HCRT: variants seen among roughly 807,000 people sequenced by gnomAD.
HCRT encodes hypocretin neuropeptide precursor, also known as hypocretin (orexin) neuropeptide.
HCRT carries 5 observed loss-of-function variants against 5.7 expected under a neutral mutation model. The ratio of observed to expected loss-of-function variants is 0.87; its 90% CI spans 0.45 to 1.83. The LOEUF is 1.83. HCRT is among the 40% of genes most tolerant of loss of function. HCRT has a pLI of 0.02. For missense variants in HCRT, 207 were observed against 191.8 expected (o/e 1.08, Z -0.47); for synonymous variants, 114 against 99.0 (o/e 1.15, Z -0.90).
At position 42,184,448 on chromosome 17, in the gene HCRT, C is replaced by T. The variant is rs757990613; in HGVS notation, c.102G>A (p.Gln34=). 6.3e-7 allele frequency: 1 copy of T among 1,596,094 alleles called. No homozygotes were observed. Among genetic ancestry groups the T allele is most frequent in the South Asian group, 1.1e-5 (1 of 90,014 alleles). ...PALLSSGAAA[Q]PLPDCCRQKT... ...TTTGACGACAGCAGTCGGGCAGGGGCTGTGCAGCCGCCCCGGACGACAACA... is the reference window on the plus strand; with the variant it reads ...TTTGACGACAGCAGTCGGGCAGGGGTTGTGCAGCCGCCCCGGACGACAACA... Residue 34 remains glutamine (Q), a synonymous_variant, in exon 2 of 2, where the codon CAG becomes CAA. Coordinates refer to ENST00000293330, the MANE Select transcript of HCRT (RefSeq NM_001524.1).
At position 42,184,136 on chromosome 17, in the gene HCRT, C is replaced by T; in HGVS notation, c.*18G>A. The T allele has an allele frequency of 2.3e-6, 3 of 1,278,962 alleles. No individual in the cohort carries two copies. Among genetic ancestry groups the T allele is most frequent in the Non-Finnish European group, 3.0e-6 (3 of 1,011,234 alleles). The allele number at this position is 1,278,962 out of a possible 1,614,324, so 79.2% of individuals were successfully genotyped here. ...CAGAGGGCAGAGGCCTGGGCCAGGA[C>T]AGGGCCCGAAGAACGACTCAGATCC... On this transcript the variant is annotated 3_prime_UTR_variant, in exon 2 of 2. Coordinates refer to ENST00000293330, the MANE Select transcript of HCRT (RefSeq NM_001524.1).
In HCRT at chr17:42,184,378, T is replaced by C; in HGVS notation, c.172A>G (p.Asn58Asp). 6.3e-7 allele frequency: 1 copy of C among 1,597,822 alleles called. No individual in the cohort carries two copies. The highest frequency in any genetic ancestry group is 8.5e-7 in the Non-Finnish European group (1 of 1,176,298). ...AGCGTGAGGATGCCGGCCGCGTGATTGCCCGCGCCGTGCAGCAGCTCGTAG... is the reference window on the plus strand; with the variant it reads ...AGCGTGAGGATGCCGGCCGCGTGATCGCCCGCGCCGTGCAGCAGCTCGTAG... ...RLYELLHGAG[N>D]HAAGILTLGK... Residue 58 changes from asparagine to aspartate, a missense_variant, in exon 2 of 2, where the codon AAT becomes GAT. Transcript: ENST00000293330.
In HCRT at chr17:42,184,196, C is replaced by G; in HGVS notation, c.354G>C (p.Pro118=). Residue 118 remains proline (P), a synonymous_variant, in exon 2 of 2, where the codon CCG becomes CCC. Coordinates refer to ENST00000293330, the MANE Select transcript of HCRT (RefSeq NM_001524.1). ...CTCCGGGCGCGACGGAGGCGGCGGCCGGGGCGGAACAGCGGCGCCCGAGGC... is the reference window on the plus strand; with the variant it reads ...CTCCGGGCGCGACGGAGGCGGCGGCGGGGGCGGAACAGCGGCGCCCGAGGC... The part of the protein sequence containing the change: ...RPCLGRRCSA[P]AAASVAPGGQ... The G allele has an allele frequency of 7.8e-7, 1 of 1,281,626 alleles. No individual in the cohort carries two copies. Among genetic ancestry groups the G allele is most frequent in the Non-Finnish European group, 9.8e-7 (1 of 1,015,894 alleles). The allele number at this position is 1,281,626 out of a possible 1,614,324, so 79.4% of individuals were successfully genotyped here.
Position 42,184,263 on chromosome 17 carries a change from G to T in HCRT, c.287C>A (p.Thr96Asn). 1 of 1,414,388 alleles carries T rather than the reference G, an allele frequency of 7.1e-7. No individual in the cohort carries two copies. 87.6% of individuals were successfully genotyped at this position (1,414,388 alleles called of 1,614,324 possible). A position where few individuals can be genotyped will look rare whatever the true frequency, so the allele number is the denominator to read the frequency against. Residue 96 changes from threonine (T) to asparagine (N), a missense_variant, in exon 2 of 2, where the codon ACC becomes AAC. Coordinates refer to ENST00000293330, the MANE Select transcript of HCRT (RefSeq NM_001524.1). ...ASGNHAAGIL[T>N]MGRRAGAEPA... ...CTCTGCGCCTGCGCGGCGGCCCATG[G>T]TCAGGATGCCCGCGGCGTGGTTGCC... is the stretch of plus-strand genomic sequence containing the variant.
Position 42,184,307 on chromosome 17 carries a change from C to T in HCRT, c.243G>A (p.Gln81=), listed in dbSNP as rs2079922765. 5.2e-6 allele frequency: 8 copies of T among 1,524,276 alleles called. No individual in the cohort carries two copies. The highest frequency in any genetic ancestry group is 7.0e-6 in the Non-Finnish European group (8 of 1,140,306). 94.4% of individuals were successfully genotyped at this position (1,524,276 alleles called of 1,614,324 possible). The change falls in exon 2 of 2, where the codon CAG becomes CAA. Residue 81 remains glutamine (Q), a synonymous_variant. Coordinates refer to ENST00000293330, the MANE Select transcript of HCRT (RefSeq NM_001524.1). ...SGPPGLQGRL[Q]RLLQASGNHA... ...GGTTGCCGCTGGCCTGCAGGAGGCGCTGCAGCCGACCCTGGAGGCCCGGGG... is the reference window on the plus strand; with the variant it reads ...GGTTGCCGCTGGCCTGCAGGAGGCGTTGCAGCCGACCCTGGAGGCCCGGGG...
At chr17:42,184,601 T>C in intron 1 of HCRT, 73 bp from the exon 2 acceptor site, 9 of 1,447,266 alleles carry the variant, frequency 6.2e-6, no homozygotes, top group Admixed American at 2.6e-5. Context: ...GCCCAGGACC[T>C]GCCCCTCTGG....
In HCRT at chr17:42,184,191, G is replaced by T; in HGVS notation, c.359C>A (p.Ala120Asp). Residue 120 changes from alanine to aspartate, a missense_variant, in exon 2 of 2, where the codon GCC becomes GAC. By Grantham distance (126) the Ala-to-Asp change is moderately radical. Coordinates refer to ENST00000293330, the MANE Select transcript of HCRT (RefSeq NM_001524.1). ...CLGRRCSAPA[A>D]ASVAPGGQSG... ...CTGTCCTCCGGGCGCGACGGAGGCG[G>T]CGGCCGGGGCGGAACAGCGGCGCCC... The T allele has an allele frequency of 7.8e-7, 1 of 1,281,528 alleles. No homozygotes were observed. 79.4% of individuals were successfully genotyped at this position (1,281,528 alleles called of 1,614,324 possible).
chr17:42,184,229 C>T lies in HCRT; in HGVS notation c.321G>A (p.Pro107=). The change falls in exon 2 of 2, where the codon CCG becomes CCA. Residue 107 remains proline, a synonymous_variant. Transcript: ENST00000293330. The part of the protein sequence containing the change: ...MGRRAGAEPA[P]RPCLGRRCSA... ...AACAGCGGCGCCCGAGGCAGGGGCG[C>T]GGCGCTGGCTCTGCGCCTGCGCGGC... The T allele has an allele frequency of 2.3e-6, 3 of 1,319,482 alleles. No homozygotes were observed. The highest frequency in any genetic ancestry group is 2.3e-5 in the South Asian group (1 of 44,358). 81.7% of individuals were successfully genotyped at this position (1,319,482 alleles called of 1,614,324 possible). A position where few individuals can be genotyped will look rare whatever the true frequency, so the allele number is the denominator to read the frequency against.
chr17:42,184,387 C>G lies in HCRT; in HGVS notation c.163G>C (p.Gly55Arg). 1 of 1,599,900 alleles carries G rather than the reference C, an allele frequency of 6.3e-7. No individual in the cohort carries two copies. Among genetic ancestry groups the G allele is most frequent in the Non-Finnish European group, 8.5e-7 (1 of 1,177,048 alleles). The change falls in exon 2 of 2, where the codon GGC (glycine) becomes CGC (arginine). Residue 55 changes from glycine (G) to arginine (R), a missense_variant. Coordinates refer to ENST00000293330, the MANE Select transcript of HCRT (RefSeq NM_001524.1). ...CSCRLYELLH[G>R]AGNHAAGILT... ...ATGCCGGCCGCGTGATTGCCCGCGC[C>G]GTGCAGCAGCTCGTAGAGGCGGCAA...
chr17:42,184,302 A>T lies in HCRT; in HGVS notation c.248T>A (p.Leu83His). The stretch of plus-strand genomic sequence containing the variant: ...GGCGTGGTTGCCGCTGGCCTGCAGG[A>T]GGCGCTGCAGCCGACCCTGGAGGCC... Reference protein sequence around the residue: ...PPGLQGRLQRLLQASGNHAAG... With the variant: ...PPGLQGRLQRHLQASGNHAAG... Residue 83 changes from leucine to histidine, a missense_variant, in exon 2 of 2, where the codon CTC becomes CAC. Coordinates refer to ENST00000293330, the MANE Select transcript of HCRT (RefSeq NM_001524.1). The T allele has an allele frequency of 1.3e-6, 2 of 1,515,120 alleles. No individual in the cohort carries two copies. The highest frequency in any genetic ancestry group is 1.8e-6 in the Non-Finnish European group (2 of 1,135,760). 93.9% of individuals were successfully genotyped at this position (1,515,120 alleles called of 1,614,324 possible).
chr17:42,184,610 G>T (rs1428671875), intron 1 of HCRT, 82 bp from the exon 2 acceptor site: 49 of 1,436,298 alleles, frequency 3.4e-5, no homozygotes, highest in Non-Finnish European at 4.4e-5. Flanking sequence ...CTGCCCCTCT[G>T]GCTCCGCGCC....
In HCRT at chr17:42,185,370, T is replaced by A. The variant is rs1333432524; in HGVS notation, c.-5A>T. On this transcript the variant is annotated 5_prime_UTR_variant, in exon 1 of 2. Coordinates refer to ENST00000293330, the MANE Select transcript of HCRT (RefSeq NM_001524.1). ...CTTTGTGGAAGGAAGGTTCATGGTG[T>A]CTGGCGCTCAGGGTGGGGTAGCCGG... is the stretch of plus-strand genomic sequence containing the variant. 6.2e-7 allele frequency: 1 copy of A among 1,613,932 alleles called. No homozygotes were observed. The highest frequency in any genetic ancestry group is 8.5e-7 in the Non-Finnish European group (1 of 1,179,942).
In HCRT at chr17:42,184,189, C is replaced by T. The variant is rs2079921898; in HGVS notation, c.361G>A (p.Ala121Thr). 3 of 1,281,970 alleles carry T rather than the reference C, an allele frequency of 2.3e-6. No homozygotes were observed. Among genetic ancestry groups the T allele is most frequent in the Non-Finnish European group, 2.0e-6 (2 of 1,015,350 alleles). 79.4% of individuals were successfully genotyped at this position (1,281,970 alleles called of 1,614,324 possible). ...GACTGTCCTCCGGGCGCGACGGAGG[C>T]GGCGGCCGGGGCGGAACAGCGGCGC... ...LGRRCSAPAA[A>T]SVAPGGQSGI Residue 121 changes from alanine to threonine, a missense_variant, in exon 2 of 2, where the codon GCC (alanine) becomes ACC (threonine). Coordinates refer to ENST00000293330, the MANE Select transcript of HCRT (RefSeq NM_001524.1).
At chr17:42,184,700 C>T (rs545737940) in intron 1 of HCRT, among the ~76,000 whole-genome samples, 172 bp from the exon 2 acceptor site, 2 of 152,346 alleles carry the variant, frequency 1.3e-5, no homozygotes, top group African/African-American at 4.8e-5. Flanking sequence ...CCTACTTTCC[C>T]TGCTCCTCCT....
intron 1 of HCRT, 51 bp from the exon 2 acceptor site, chr17:42,184,579 A>G: frequency 6.8e-7 from 1 of 1,473,078 alleles, no homozygotes; most frequent in East Asian, 2.6e-5. Flanking sequence ...GGCGCCCGCC[A>G]CCAGCTCCCA....
intron 1 of HCRT, 86 bp downstream of exon 1, chr17:42,185,259 C>G: frequency 1.5e-6 from 2 of 1,293,166 alleles, no homozygotes; most frequent in Non-Finnish European, 2.2e-6. Flanking sequence ...GTGGAGACAC[C>G]TTTGGCCTTT....
At position 42,184,274 on chromosome 17, in the gene HCRT, C is replaced by A. The variant is rs866782848; in HGVS notation, c.276G>T (p.Ala92=). ...CGCGGCGGCCCATGGTCAGGATGCC[C>A]GCGGCGTGGTTGCCGCTGGCCTGCA... ...RLLQASGNHA[A]GILTMGRRAG... The change falls in exon 2 of 2, where the codon GCG becomes GCT. Residue 92 remains alanine (A), a synonymous_variant. Transcript: ENST00000293330. The A allele has an allele frequency of 5.6e-6, 8 of 1,439,466 alleles. No homozygotes were observed. In the African/African-American group the frequency reaches 1.2e-4, roughly 21 times the overall value. 89.2% of individuals were successfully genotyped at this position (1,439,466 alleles called of 1,614,324 possible). A position where few individuals can be genotyped will look rare whatever the true frequency, so the allele number is the denominator to read the frequency against.
At chr17:42,185,257 A>C in intron 1 of HCRT, 88 bp downstream of exon 1, 1 of 1,262,752 alleles carries the variant, frequency 7.9e-7, no homozygotes, top group South Asian at 1.2e-5. Flanking sequence ...GAGTGGAGAC[A>C]CCTTTGGCCT....
Position 42,184,263 on chromosome 17 carries a change from G to A in HCRT, c.287C>T (p.Thr96Ile), listed in dbSNP as rs1180653330. ...CTCTGCGCCTGCGCGGCGGCCCATGGTCAGGATGCCCGCGGCGTGGTTGCC... is the reference window on the plus strand; with the variant it reads ...CTCTGCGCCTGCGCGGCGGCCCATGATCAGGATGCCCGCGGCGTGGTTGCC... ...ASGNHAAGIL[T>I]MGRRAGAEPA... Residue 96 changes from threonine to isoleucine, a missense_variant, in exon 2 of 2, where the codon ACC becomes ATC. Transcript: ENST00000293330. 2 of 1,414,388 alleles carry A rather than the reference G, an allele frequency of 1.4e-6. No homozygotes were observed. Among genetic ancestry groups the A allele is most frequent in the Non-Finnish European group, 9.2e-7 (1 of 1,087,836 alleles). 87.6% of individuals were successfully genotyped at this position (1,414,388 alleles called of 1,614,324 possible).
Sources: allele counts gnomAD v4.1 joint callset (sites outside exome capture counted in the v4.1 genomes callset), GRCh38; gene constraint gnomAD v4.1.1; transcripts MANE v1.5; gene names NCBI Gene and HGNC (gene_info 2026-07-23, HGNC 2026-07-21).